Variants in LIN52 observed in about 807,000 individuals in gnomAD.
LIN52 encodes the protein protein lin-52 homolog.
LIN52 carries 4 observed loss-of-function variants against 18.5 expected under a neutral mutation model. The ratio of observed to expected loss-of-function variants is 0.22; its 90% CI spans 0.11 to 0.49. The LOEUF (loss-of-function observed/expected upper bound fraction) is 0.49, where lower values mean the gene tolerates loss of function less well. LIN52 is among the 20% of genes least tolerant of loss of function. LIN52 has a pLI of 0.97. For synonymous variants in LIN52, 34 were observed against 45.5 expected, an observed-to-expected ratio of 0.75 and a Z score of 1.02; for missense variants, 102 against 139.5, an observed-to-expected ratio of 0.73 and a Z score of 1.35.
chr14:74,164,334 G>GA (rs1464365340), intron 5 of LIN52, among the ~76,000 whole-genome samples: 1 of 151,254 alleles, frequency 6.6e-6, no homozygotes, highest in Non-Finnish European at 1.5e-5. Context: ...ACCTAGGCTG[G>GA]AGTGGAGTGA....
chr14:74,106,117 ACT>A (rs1395789916), intron 5 of LIN52, among the ~76,000 whole-genome samples: 1 of 151,980 alleles, frequency 6.6e-6, no homozygotes, highest in African/African-American at 2.4e-5. Context: ...AAAAAGTAAA[ACT>A]CTGCCTTAGC....
intron 5 of LIN52, among the ~76,000 whole-genome samples, chr14:74,106,879 C>T (rs1421448555): frequency 6.6e-6 from 1 of 152,268 alleles, no homozygotes; most frequent in Admixed American, 6.5e-5. Context: ...GTGTGAGCCA[C>T]CACGCCCGGC....
chr14:74,093,465 A>C (rs2060786912), intron 2 of LIN52, among the ~76,000 whole-genome samples: 6 of 151,518 alleles, frequency 4.0e-5, no homozygotes, highest in Admixed American at 2.0e-4. Flanking sequence ...AGCTGGGATC[A>C]CAGGTGCATG....
At chr14:74,114,495 T>C in intron 5 of LIN52, 1 of 846,558 alleles carries the variant, frequency 1.2e-6, no homozygotes, top group Non-Finnish European at 1.4e-6. Flanking sequence ...GGTAAATGTC[T>C]GGATGGGGAT....
At chr14:74,152,615 C>T (rs2061181353) in intron 5 of LIN52, among the ~76,000 whole-genome samples, 1 of 151,798 alleles carries the variant, frequency 6.6e-6, no homozygotes, top group South Asian at 2.1e-4. Context: ...GTTTATTATG[C>T]TATGCCTGCC....
At chr14:74,166,901 A>C (rs533953748) in intron 5 of LIN52, among the ~76,000 whole-genome samples, 17 of 152,274 alleles carry the variant, frequency 1.1e-4, no homozygotes, top group Admixed American at 1.1e-3. Flanking sequence ...TGAATTGTAC[A>C]TTTAGCACTG....
At chr14:74,144,315 A>AG (rs1044339235) in intron 5 of LIN52, among the ~76,000 whole-genome samples, 8 of 150,942 alleles carry the variant, frequency 5.3e-5, no homozygotes, top group Non-Finnish European at 1.0e-4. Context: ...GGGGGTTGGG[A>AG]GGGGTCTCAC....
chr14:74,115,696 G>A (rs964722424), intron 5 of LIN52, among the ~76,000 whole-genome samples: 3 of 152,168 alleles, frequency 2.0e-5, no homozygotes, highest in Non-Finnish European at 2.9e-5. Flanking sequence ...TTATGATAAT[G>A]TGAAGTAAAC....
At chr14:74,108,006 C>T (rs577533248) in intron 5 of LIN52, among the ~76,000 whole-genome samples, 6 of 152,226 alleles carry the variant, frequency 3.9e-5, no homozygotes, top group Non-Finnish European at 7.4e-5. Context: ...ACCTTGCACC[C>T]ATTAGCAGTC....
chr14:74,101,334 A>G, intron 5 of LIN52, 96 bp downstream of exon 5: 1 of 747,770 alleles, frequency 1.3e-6, no homozygotes, highest in Non-Finnish European at 2.1e-6. Context: ...CTCCAGTTAT[A>G]ATTCAGAAAG....
intron 5 of LIN52, among the ~76,000 whole-genome samples, chr14:74,185,166 G>A (rs1849893720): frequency 6.6e-6 from 1 of 151,916 alleles, no homozygotes; most frequent in Admixed American, 6.6e-5. Flanking sequence ...CTCTAGGCCT[G>A]TTCTATGAAC....
At chr14:74,093,402 C>T (rs1359775269) in intron 2 of LIN52, among the ~76,000 whole-genome samples, 2 of 146,634 alleles carry the variant, frequency 1.4e-5, no homozygotes, top group African/African-American at 5.1e-5. Context: ...TCTTGGCTCA[C>T]AGCAACCTCT....
chr14:74,125,803 C>T (rs983064742), intron 5 of LIN52, among the ~76,000 whole-genome samples: 47 of 149,132 alleles, frequency 3.2e-4, no homozygotes, highest in Middle Eastern at 3.5e-3. Flanking sequence ...AAACCAAACA[C>T]CGCATGTTCT....
chr14:74,167,705 A>AT (rs1485274905), intron 5 of LIN52, among the ~76,000 whole-genome samples: 1 of 151,878 alleles, frequency 6.6e-6, no homozygotes, highest in Non-Finnish European at 1.5e-5. Flanking sequence ...CAGTTTTTAT[A>AT]TTTTTTATAG....
At chr14:74,135,041 C>T (rs997969977) in intron 5 of LIN52, among the ~76,000 whole-genome samples, 4 of 152,084 alleles carry the variant, frequency 2.6e-5, no homozygotes, top group Admixed American at 1.3e-4. Context: ...CCTGAACCTT[C>T]TTTGAGGTAG....
intron 5 of LIN52, among the ~76,000 whole-genome samples, chr14:74,163,949 A>T (rs1030185550): frequency 1.3e-5 from 2 of 152,036 alleles, no homozygotes; most frequent in African/African-American, 4.8e-5. Context: ...CAACCGGTGG[A>T]TACTAGACCA....
At chr14:74,144,366 A>G (rs919698395) in intron 5 of LIN52, among the ~76,000 whole-genome samples, 3 of 151,612 alleles carry the variant, frequency 2.0e-5, no homozygotes, top group African/African-American at 7.3e-5. Context: ...GGCTCAATCA[A>G]TCCTCCCACC....
chr14:74,189,112 T>C (rs981555537), intron 5 of LIN52, among the ~76,000 whole-genome samples: 3 of 152,190 alleles, frequency 2.0e-5, no homozygotes, highest in Admixed American at 1.3e-4. Context: ...CTGTCTAACT[T>C]GGGGCAAAAT....
chr14:74,192,626 T>A, intron 5 of LIN52: 1 of 236,124 alleles, frequency 4.2e-6, no homozygotes, highest in Non-Finnish European at 8.4e-6. Context: ...AGGGGTAGGA[T>A]AGTTCAGTGG....
Sources: allele counts gnomAD v4.1 joint callset (sites outside exome capture counted in the v4.1 genomes callset), GRCh38; gene constraint gnomAD v4.1.1; transcripts MANE v1.5; gene names NCBI Gene and HGNC (gene_info 2026-07-23, HGNC 2026-07-21).